Variants in FBXL7 observed in about 807,000 individuals in gnomAD.
FBXL7 encodes the protein F-box/LRR-repeat protein 7.
In FBXL7, 12 loss-of-function variants were observed where a neutral mutation model predicts 38.3. That is an observed-to-expected ratio of 0.31 (90% CI 0.20 to 0.51). The LOEUF (loss-of-function observed/expected upper bound fraction) is 0.51, where lower values mean the gene tolerates loss of function less well. FBXL7 is among the 20% of genes least tolerant of loss of function. The pLI is 0.98. For synonymous variants in FBXL7, 297 were observed against 300.9 expected (o/e 0.99, Z 0.13); for missense variants, 567 against 676.4 (o/e 0.84, Z 1.79).
At chr5:15,719,617 T>A (rs1744138796) in intron 2 of FBXL7, among the ~76,000 whole-genome samples, 1 of 149,004 alleles carries the variant, frequency 6.7e-6, no homozygotes, top group Non-Finnish European at 1.5e-5. Flanking sequence ...TCAAATAGAT[T>A]GAAACAAATT....
intron 1 of FBXL7, among the ~76,000 whole-genome samples, chr5:15,505,375 C>G (rs1035740157): frequency 6.6e-6 from 1 of 152,126 alleles, no homozygotes; most frequent in Non-Finnish European, 1.5e-5. Context: ...GGGGCCAGCT[C>G]TATCTAAGCC....
At chr5:15,664,321 A>G (rs1178702802) in intron 2 of FBXL7, among the ~76,000 whole-genome samples, 1 of 152,124 alleles carries the variant, frequency 6.6e-6, no homozygotes, top group Non-Finnish European at 1.5e-5. Flanking sequence ...AAACTCTACA[A>G]TCTATGTTAC....
intron 1 of FBXL7, among the ~76,000 whole-genome samples, chr5:15,511,783 C>G (rs952725925): frequency 3.3e-5 from 5 of 152,086 alleles, no homozygotes; most frequent in African/African-American, 1.2e-4. Context: ...CTGCAAAGAA[C>G]AATGGGGATC....
chr5:15,660,480 C>A (rs1346234760), intron 2 of FBXL7, among the ~76,000 whole-genome samples: 1 of 152,184 alleles, frequency 6.6e-6, no homozygotes, highest in Non-Finnish European at 1.5e-5. Flanking sequence ...GCTCAGCCTC[C>A]CAAGTAGCTG....
intron 2 of FBXL7, among the ~76,000 whole-genome samples, chr5:15,777,659 C>A (rs1736889194): frequency 7.5e-6 from 1 of 133,590 alleles, no homozygotes; most frequent in Non-Finnish European, 1.5e-5. Flanking sequence ...TCCTAGGAGA[C>A]ACACAAGAAT....
At chr5:15,722,930 C>CAAAAAAAACAAAAAAAAA (rs377502407) in intron 2 of FBXL7, among the ~76,000 whole-genome samples, 1 of 142,080 alleles carries the variant, frequency 7.0e-6, no homozygotes, top group Non-Finnish European at 1.5e-5. Flanking sequence ...TCAAAAAAAA[C>CAAAAAAAACAAAAAAAAA]AAAAAAAAAA....
chr5:15,562,652 A>C (rs1172387982), intron 1 of FBXL7, among the ~76,000 whole-genome samples: 1 of 150,494 alleles, frequency 6.6e-6, no homozygotes, highest in African/African-American at 2.4e-5. Context: ...CCCTCCCTAT[A>C]TCTCTCTCCC....
intron 2 of FBXL7, among the ~76,000 whole-genome samples, chr5:15,903,706 C>T (rs1741286276): frequency 6.6e-6 from 1 of 151,870 alleles, no homozygotes; most frequent in Non-Finnish European, 1.5e-5. Flanking sequence ...TCAAAAGATC[C>T]CTGTGTACCC....
At chr5:15,624,875 T>G (rs1055205470) in intron 2 of FBXL7, among the ~76,000 whole-genome samples, 2 of 151,956 alleles carry the variant, frequency 1.3e-5, no homozygotes, top group Admixed American at 6.6e-5. Flanking sequence ...GTTTGTTTTT[T>G]TTTTTTTTTC....
intron 2 of FBXL7, among the ~76,000 whole-genome samples, chr5:15,846,216 T>C (rs1028747422): frequency 6.6e-6 from 1 of 152,238 alleles, no homozygotes; most frequent in African/African-American, 2.4e-5. Flanking sequence ...ATAGAGTTCT[T>C]CTTTCCATAT....
chr5:15,857,192 A>T (rs1205041219), intron 2 of FBXL7, among the ~76,000 whole-genome samples: 2 of 152,176 alleles, frequency 1.3e-5, no homozygotes, highest in African/African-American at 4.8e-5. Flanking sequence ...TGAGAGGGGT[A>T]GGGGTTTGCT....
chr5:15,767,926 T>G (rs561449192), intron 2 of FBXL7, among the ~76,000 whole-genome samples: 91 of 152,360 alleles, frequency 6.0e-4, no homozygotes, highest in African/African-American at 2.1e-3. Context: ...TCACACATTT[T>G]TAATACTTTT....
At chr5:15,919,134 A>T (rs1440022500) in intron 2 of FBXL7, among the ~76,000 whole-genome samples, 1 of 152,192 alleles carries the variant, frequency 6.6e-6, no homozygotes, top group Non-Finnish European at 1.5e-5. Flanking sequence ...GAAAAAGACA[A>T]CTTATAATAG....
rs148234100 is a variant in FBXL7, at chr5:15,811,564, G to A, written c.128-116326G>A. Among the ~76,000 whole-genome samples the A allele has an allele frequency of 9.2e-3, 1,402 of 152,134 alleles. 57 individuals are homozygous for A. Among genetic ancestry groups the A allele is most frequent in the Admixed American group, 0.084 (1,276 of 15,244 alleles). On this transcript the variant is annotated intron_variant, in intron 2 of 3. Coordinates refer to ENST00000504595, the MANE Select transcript of FBXL7 (RefSeq NM_012304.5). The stretch of plus-strand genomic sequence containing the variant: ...ACAGTCATATTCTGAGGTCCTGGGG[G>A]ATAGGACTTTAACATATGATTTTGG...
At chr5:15,508,598 T>C (rs1196373660) in intron 1 of FBXL7, among the ~76,000 whole-genome samples, 2 of 152,162 alleles carry the variant, frequency 1.3e-5, no homozygotes, top group Non-Finnish European at 2.9e-5. Context: ...GGGGATCAAC[T>C]ATCTGACCCT....
intron 1 of FBXL7, among the ~76,000 whole-genome samples, chr5:15,550,482 G>A (rs1471565074): frequency 1.3e-5 from 2 of 152,124 alleles, no homozygotes; most frequent in Non-Finnish European, 2.9e-5. Context: ...TGCTATTGAG[G>A]CACCCAAAAC....
Position 15,869,499 on chromosome 5 carries a change from G to A in FBXL7, c.128-58391G>A, listed in dbSNP as rs73752345. Reference sequence around the variant, plus strand: ...TGTCCAGACTGAGACAATAAATTACGTCATCTTCCCTCTTAATGCTTTCCA... The same window carrying A: ...TGTCCAGACTGAGACAATAAATTACATCATCTTCCCTCTTAATGCTTTCCA... On this transcript the variant is annotated intron_variant, in intron 2 of 3. Coordinates refer to ENST00000504595, the MANE Select transcript of FBXL7 (RefSeq NM_012304.5). Among the ~76,000 whole-genome samples the A allele has an allele frequency of 6.4e-3, 980 of 152,258 alleles. 18 individuals carry two copies. The highest frequency in any genetic ancestry group is 0.022 in the African/African-American group (918 of 41,558).
intron 2 of FBXL7, among the ~76,000 whole-genome samples, chr5:15,859,818 C>T (rs1420299237): frequency 6.6e-6 from 1 of 152,008 alleles, no homozygotes; most frequent in African/African-American, 2.4e-5. Flanking sequence ...ATCAATAGCG[C>T]CAAGGCTGAG....
At chr5:15,620,438 C>G (rs1254912636) in intron 2 of FBXL7, among the ~76,000 whole-genome samples, 3 of 142,644 alleles carry the variant, frequency 2.1e-5, no homozygotes, top group African/African-American at 8.0e-5. Flanking sequence ...TAAGTAGAAA[C>G]GGGGTTTCAC....
Sources: gnomAD v4.1 joint callset for allele counts (sites outside exome capture counted in the v4.1 genomes callset) on GRCh38, gnomAD v4.1.1 for gene constraint, MANE v1.5 for transcripts, NCBI Gene and HGNC (gene_info 2026-07-23, HGNC 2026-07-21) for gene names.